The following IL16 variants were observed in gnomAD, a reference collection of about 807,000 sequenced individuals.
IL16 encodes the protein pro-interleukin-16.
IL16 carries 67 observed loss-of-function variants against 110.1 expected under a neutral mutation model. The observed-to-expected ratio is 0.61, with a 90% CI of 0.50 to 0.75. The LOEUF is 0.75. IL16 is among the 30% of genes least tolerant of loss of function. The pLI is 0.00. For synonymous variants in IL16, 689 were observed against 662.9 expected, an observed-to-expected ratio of 1.04 and a Z score of -0.61; for missense variants, 1,545 against 1,655.0, an observed-to-expected ratio of 0.93 and a Z score of 1.15.
At chr15:81,277,620 G>A (rs559007313) in intron 6 of IL16, among the ~76,000 whole-genome samples, 10 of 152,078 alleles carry the variant, frequency 6.6e-5, no homozygotes, top group Non-Finnish European at 1.3e-4. Context: ...ATATTTGTAC[G>A]TTTTGTAGAA....
At chr15:81,251,068 T>A (rs1054493791) in intron 2 of IL16, among the ~76,000 whole-genome samples, 2 of 152,190 alleles carry the variant, frequency 1.3e-5, no homozygotes, top group Admixed American at 6.5e-5. Flanking sequence ...TCAGAAAAAC[T>A]ATGGTACAGC....
At chr15:81,291,196 G>A (rs577017008) in intron 11 of IL16, among the ~76,000 whole-genome samples, 1 of 152,288 alleles carries the variant, frequency 6.6e-6, no homozygotes, top group African/African-American at 2.4e-5. Flanking sequence ...CACTGATATT[G>A]ACAAGAAATT....
chr15:81,269,648 G>C lies in IL16; in HGVS notation c.675G>C (p.Lys225Asn), dbSNP rs935415751. The change falls in exon 5 of 19, where the codon AAG (lysine) becomes AAC (asparagine). Residue 225 changes from lysine (K) to asparagine (N), a missense_variant and splice_region_variant. This residue lies in a region of IL16 where 1,185 missense variants were observed against 1,238.8 expected (regional missense o/e 0.96). Coordinates refer to ENST00000683961, the MANE Select transcript of IL16 (RefSeq NM_172217.5). The stretch of plus-strand genomic sequence containing the variant: ...TCGTGCTGATGAAGGGCCAGGCTAA[G>C]GTGAGAAGGGATTGTGGCCAACAGG... ...SNIVLMKGQA[K>N]GLGFSIVGGK... 6.2e-7 allele frequency: 1 copy of C among 1,608,212 alleles called. No individual in the cohort carries two copies. The highest frequency in any genetic ancestry group is 1.1e-5 in the South Asian group (1 of 90,942).
At chr15:81,239,063 A>T in intron 2 of IL16, among the ~76,000 whole-genome samples, 1 of 145,010 alleles carries the variant, frequency 6.9e-6, no homozygotes, top group Non-Finnish European at 1.5e-5. Context: ...AATTTTCTTC[A>T]TCTTTAGTTT....
intron 12 of IL16, 58 bp from the exon 13 acceptor site, chr15:81,296,870 C>A: frequency 3.4e-6 from 5 of 1,488,804 alleles, no homozygotes; most frequent in Non-Finnish European, 4.5e-6. Context: ...CGTGTCTCGC[C>A]TTCTCACAGC....
chr15:81,280,004 A>G (rs1012847429), intron 8 of IL16, among the ~76,000 whole-genome samples: 4 of 152,210 alleles, frequency 2.6e-5, no homozygotes, highest in Non-Finnish European at 2.9e-5. Context: ...AAGCAAAACA[A>G]AGCAAAGAAA....
intron 2 of IL16, among the ~76,000 whole-genome samples, chr15:81,240,201 C>T (rs1897299937): frequency 6.6e-6 from 1 of 152,068 alleles, no homozygotes; most frequent in Admixed American, 6.5e-5. Flanking sequence ...TTTCTCTGCT[C>T]TTGAGTTTTC....
chr15:81,221,927 G>A (rs1896630527), intron 1 of IL16, among the ~76,000 whole-genome samples: 1 of 152,156 alleles, frequency 6.6e-6, no homozygotes, highest in Non-Finnish European at 1.5e-5. Flanking sequence ...TTCCACCAAG[G>A]AATTTGATCC....
chr15:81,260,985 A>G (rs935621926), intron 3 of IL16, among the ~76,000 whole-genome samples: 4 of 152,222 alleles, frequency 2.6e-5, no homozygotes, highest in Admixed American at 1.3e-4. Context: ...TATTCTTTCA[A>G]TAATATATAT....
chr15:81,243,740 T>C (rs947257531), intron 2 of IL16, among the ~76,000 whole-genome samples: 1 of 152,176 alleles, frequency 6.6e-6, no homozygotes, highest in African/African-American at 2.4e-5. Flanking sequence ...TTAATAGTTA[T>C]AGAACTATTC....
intron 2 of IL16, among the ~76,000 whole-genome samples, chr15:81,230,572 C>G (rs1490506693): frequency 6.6e-6 from 1 of 152,146 alleles, no homozygotes; most frequent in Non-Finnish European, 1.5e-5. Context: ...TGTCCCTTAT[C>G]TCTTCCCCAA....
intron 6 of IL16, among the ~76,000 whole-genome samples, chr15:81,275,824 G>A (rs1321007271): frequency 2.0e-5 from 3 of 152,166 alleles, no homozygotes; most frequent in African/African-American, 4.8e-5. Context: ...TACATTAGTT[G>A]CAACAAAAGT....
At chr15:81,288,204 G>A (rs991406487) in intron 10 of IL16, among the ~76,000 whole-genome samples, 4 of 152,094 alleles carry the variant, frequency 2.6e-5, no homozygotes, top group African/African-American at 7.2e-5. Context: ...ACAGGCATAG[G>A]GCAGAGAGAA....
intron 1 of IL16, among the ~76,000 whole-genome samples, chr15:81,221,886 C>T (rs534681441): frequency 6.6e-6 from 1 of 152,158 alleles, no homozygotes; most frequent in Non-Finnish European, 1.5e-5. Flanking sequence ...ATCAGACACT[C>T]CTGCAAATGG....
At chr15:81,288,374 C>A (rs548016172) in intron 10 of IL16, among the ~76,000 whole-genome samples, 1 of 152,302 alleles carries the variant, frequency 6.6e-6, no homozygotes, top group South Asian at 2.1e-4. Flanking sequence ...GATGGTAACT[C>A]TCCTCTAGTA....
Position 81,311,312 on chromosome 15 carries a change from C to T in IL16, c.*2514C>T, listed in dbSNP as rs1246589853. The T allele has an allele frequency of 2.6e-5, 4 of 152,242 alleles. No homozygotes were observed. Among genetic ancestry groups the T allele is most frequent in the Non-Finnish European group, 5.9e-5 (4 of 68,040 alleles). The allele number at this position is 152,242 out of a possible 1,614,324, so 9.4% of individuals were successfully genotyped here. A position where few individuals can be genotyped will look rare whatever the true frequency, so the allele number is the denominator to read the frequency against. ...TTTTACTGATTCATACATTATCTCA[C>T]TTGTGCCAACACTCAAGAAGCAGGC... On this transcript the variant is annotated 3_prime_UTR_variant, in exon 19 of 19. Transcript: ENST00000683961.
intron 8 of IL16, among the ~76,000 whole-genome samples, chr15:81,280,863 C>A (rs1260981474): frequency 1.3e-5 from 2 of 152,170 alleles, no homozygotes; most frequent in Admixed American, 1.3e-4. Flanking sequence ...TCCCGCAGTG[C>A]ATTTGCTGAG....
At chr15:81,291,859 CTGTCTT>C in intron 11 of IL16, 3 of 453,630 alleles carry the variant, frequency 6.6e-6, no homozygotes. Flanking sequence ...GGTAGTTTCT[CTGTCTT>C]TGTTATTGAG....
chr15:81,279,819 T>A (rs1163162189), intron 8 of IL16, 45 bp downstream of exon 8: 1 of 1,519,308 alleles, frequency 6.6e-7, no homozygotes. Flanking sequence ...CTCCCAGCAC[T>A]GGCTGAGTCT....
Sources: allele counts gnomAD v4.1 joint callset (sites outside exome capture counted in the v4.1 genomes callset), GRCh38; gene constraint gnomAD v4.1.1; regional missense constraint gnomAD v4.1.1; transcripts MANE v1.5; gene names NCBI Gene and HGNC (gene_info 2026-07-23, HGNC 2026-07-21).